The following EGFLAM variants were observed in gnomAD, a reference collection of about 807,000 sequenced individuals.
EGFLAM encodes EGF like, fibronectin type III and laminin G domains.
A neutral mutation model predicts 113.1 loss-of-function variants in EGFLAM; 79 were observed. The ratio of observed to expected loss-of-function variants is 0.70; its 90% CI spans 0.58 to 0.84. The LOEUF (loss-of-function observed/expected upper bound fraction) is 0.84, where lower values mean the gene tolerates loss of function less well. Among genes scored for constraint, EGFLAM ranks in the 40% least tolerant of loss-of-function variants. The probability of loss-of-function intolerance (pLI) is 0.00; values close to 1 mark genes in which losing one functional copy is unlikely to be tolerated. For missense variants in EGFLAM, 1,265 were observed against 1,291.6 expected (o/e 0.98, Z 0.32); for synonymous variants, 504 against 487.6 (o/e 1.03, Z -0.44).
intron 3 of EGFLAM, among the ~76,000 whole-genome samples, chr5:38,347,594 G>C (rs1739507260): frequency 6.6e-6 from 1 of 152,118 alleles, no homozygotes; most frequent in Non-Finnish European, 1.5e-5. Context: ...ATTTCATGTA[G>C]AGGGAGCAGC....
At chr5:38,409,980 GGCTGACAT>G (rs1741425625) in intron 10 of EGFLAM, among the ~76,000 whole-genome samples, 1 of 152,266 alleles carries the variant, frequency 6.6e-6, no homozygotes, top group South Asian at 2.1e-4. Flanking sequence ...GTGGCGCACT[GGCTGACAT>G]CCTAATGGCA....
At chr5:38,435,940 C>T (rs1232839905) in intron 16 of EGFLAM, among the ~76,000 whole-genome samples, 1 of 151,506 alleles carries the variant, frequency 6.6e-6, no homozygotes, top group African/African-American at 2.4e-5. Flanking sequence ...GCCTTAGCCT[C>T]CCGAATAGCT....
intron 1 of EGFLAM, among the ~76,000 whole-genome samples, chr5:38,309,552 C>A (rs1451689632): frequency 6.6e-6 from 1 of 152,182 alleles, no homozygotes; most frequent in Non-Finnish European, 1.5e-5. Context: ...CTCTCCTTTT[C>A]TGTTTTTTGA....
chr5:38,304,545 C>T (rs1003436489), intron 1 of EGFLAM, among the ~76,000 whole-genome samples: 3 of 152,198 alleles, frequency 2.0e-5, no homozygotes, highest in Non-Finnish European at 2.9e-5. Context: ...GAAAGATCTT[C>T]CCTGGGATGT....
At chr5:38,277,651 T>C (rs749625024) in intron 1 of EGFLAM, among the ~76,000 whole-genome samples, 3 of 152,118 alleles carry the variant, frequency 2.0e-5, no homozygotes, top group Non-Finnish European at 4.4e-5. Context: ...ATCTTATGTA[T>C]AGAGAAGACC....
At chr5:38,417,347 C>CAAAAAAAAAAAAAAAAAAA (rs752613827) in intron 11 of EGFLAM, among the ~76,000 whole-genome samples, 2 of 78,470 alleles carry the variant, frequency 2.5e-5, no homozygotes, top group Non-Finnish European at 4.5e-5. Context: ...GACTCTGTCT[C>CAAAAAAAAAAAAAAAAAAA]AAAAAAAAAA....
At chr5:38,279,658 C>G (rs1257410471) in intron 1 of EGFLAM, among the ~76,000 whole-genome samples, 1 of 152,076 alleles carries the variant, frequency 6.6e-6, no homozygotes, top group Non-Finnish European at 1.5e-5. Context: ...TATGTGGAGT[C>G]TAAAAAAGTT....
chr5:38,402,022 T>C (rs1318504019), intron 6 of EGFLAM: 1 of 152,238 alleles, frequency 6.6e-6, no homozygotes, highest in Non-Finnish European at 1.5e-5. Context: ...TTTGGTCTTC[T>C]GATGGCACAC....
chr5:38,434,764 A>C (rs148474528), intron 15 of EGFLAM, among the ~76,000 whole-genome samples: 3 of 152,204 alleles, frequency 2.0e-5, no homozygotes, highest in Admixed American at 6.5e-5. Context: ...TTTATTGGCT[A>C]TAAGAAGTCA....
chr5:38,409,052 G>A lies in EGFLAM; in HGVS notation c.1297G>A (p.Gly433Arg), dbSNP rs201077948. The change falls in exon 10 of 22, where the codon GGG becomes AGG. Residue 433 changes from glycine to arginine, a missense_variant. Gly to Arg is a moderately radical substitution (Grantham distance 125). Transcript: ENST00000322350. ...GCTCTACTGTGGGGAGAACGAACACGGGAGGGGGGATTTCATGTCCCTGGC... is the reference window on the plus strand; with the variant it reads ...GCTCTACTGTGGGGAGAACGAACACAGGAGGGGGGATTTCATGTCCCTGGC... The part of the protein sequence containing the change: ...LLLYCGENEH[G>R]RGDFMSLAII... 401 of 1,595,430 alleles carry A rather than the reference G, an allele frequency of 2.5e-4. 6 individuals carry two copies. Among genetic ancestry groups the A allele is most frequent in the South Asian group, 2.5e-3 (219 of 87,798 alleles).
At chr5:38,443,230 C>A (rs1383334684) in intron 17 of EGFLAM, among the ~76,000 whole-genome samples, 3 of 152,212 alleles carry the variant, frequency 2.0e-5, no homozygotes, top group Non-Finnish European at 1.5e-5. Flanking sequence ...CGTGCCACTG[C>A]ACTCCAGCCT....
chr5:38,358,412 A>G (rs565601212), intron 5 of EGFLAM, among the ~76,000 whole-genome samples: 1 of 131,996 alleles, frequency 7.6e-6, no homozygotes, highest in Non-Finnish European at 1.5e-5. Context: ...GCGCCACTGC[A>G]CTCCAGCCTG....
At position 38,393,284 on chromosome 5, in the gene EGFLAM, T is replaced by C. The variant is rs570105455; in HGVS notation, c.713-12842T>C. Among the ~76,000 whole-genome samples, 3 of 152,352 alleles carry C rather than the reference T, an allele frequency of 2.0e-5. No homozygotes were observed. In the South Asian group the frequency reaches 6.2e-4, roughly 32 times the overall value. On this transcript the variant is annotated intron_variant, in intron 6 of 21. Coordinates refer to ENST00000322350, the MANE Select transcript of EGFLAM (RefSeq NM_152403.4). ...TTCAGAGTCTTTTAGTGTACTTTAG[T>C]AATTTTTCTCCATTATGGAGAAAAT... is the stretch of plus-strand genomic sequence containing the variant.
Position 38,320,612 on chromosome 5 carries a change from G to A in EGFLAM, c.98-16908G>A, listed in dbSNP as rs190535414. On this transcript the variant is annotated intron_variant, in intron 1 of 21. Transcript: ENST00000322350. Reference sequence around the variant, plus strand: ...TGTGTATATGTGTGTCTGCATGTGTGCATATGCTTACGTGTGTGTGTGTAT... The same window carrying A: ...TGTGTATATGTGTGTCTGCATGTGTACATATGCTTACGTGTGTGTGTGTAT... Among the ~76,000 whole-genome samples, 333 of 152,250 alleles carry A rather than the reference G, an allele frequency of 2.2e-3. 1 individual carries two copies. The highest frequency in any genetic ancestry group is 7.5e-3 in the African/African-American group (313 of 41,556).
At chr5:38,459,609 G>T (rs1010850475) in intron 20 of EGFLAM, among the ~76,000 whole-genome samples, 3 of 152,224 alleles carry the variant, frequency 2.0e-5, no homozygotes, top group African/African-American at 4.8e-5. Flanking sequence ...GGTTCCCTGA[G>T]AATTTATCAT....
At chr5:38,356,398 G>A (rs192241410) in intron 5 of EGFLAM, among the ~76,000 whole-genome samples, 22 of 152,220 alleles carry the variant, frequency 1.4e-4, no homozygotes, top group African/African-American at 4.8e-4. Flanking sequence ...ATCTATACAC[G>A]TAGACACTCA....
At chr5:38,296,285 AT>A (rs1323271143) in intron 1 of EGFLAM, among the ~76,000 whole-genome samples, 1 of 152,210 alleles carries the variant, frequency 6.6e-6, no homozygotes, top group African/African-American at 2.4e-5. Flanking sequence ...GAGTTGTTTT[AT>A]AGCAGGTAAG....
chr5:38,295,320 ATTAG>A (rs764290687), intron 1 of EGFLAM, among the ~76,000 whole-genome samples: 142 of 152,312 alleles, frequency 9.3e-4, no homozygotes, highest in Non-Finnish European at 1.4e-3. Flanking sequence ...TTCACTTTTT[ATTAG>A]TTTGACTTGG....
rs186919197 is a variant in EGFLAM at position 38,332,827 on chromosome 5, G to A, written c.98-4693G>A. 1.1e-3 allele frequency among the ~76,000 whole-genome samples: 167 copies of A among 152,296 alleles called. 1 individual carries two copies. The highest frequency in any genetic ancestry group is 3.7e-3 in the African/African-American group (153 of 41,566). On this transcript the variant is annotated intron_variant, in intron 1 of 21. Transcript: ENST00000322350. Reference sequence around the variant, plus strand: ...CGGTTTTCCACCCTGGGTGGGCCAGGTGTTCCTTGCCCTCATTCCGGTAAA... The same window carrying A: ...CGGTTTTCCACCCTGGGTGGGCCAGATGTTCCTTGCCCTCATTCCGGTAAA...
Sources: allele counts gnomAD v4.1 joint callset (sites outside exome capture counted in the v4.1 genomes callset), GRCh38; gene constraint gnomAD v4.1.1; transcripts MANE v1.5; gene names NCBI Gene and HGNC (gene_info 2026-07-23, HGNC 2026-07-21).